HDAC9: variants seen among roughly 807,000 people sequenced by gnomAD.
HDAC9 encodes histone deacetylase 9.
HDAC9 carries 41 observed loss-of-function variants against 139.4 expected under a neutral mutation model. That is an observed-to-expected ratio of 0.29 (90% CI 0.23 to 0.38). The LOEUF is 0.38. Among genes scored for constraint, HDAC9 ranks in the 10% least tolerant of loss-of-function variants. The pLI is 1.00. For synonymous variants in HDAC9, 517 were observed against 476.2 expected, an observed-to-expected ratio of 1.09 and a Z score of -1.12; for missense variants, 1,147 against 1,297.0, an observed-to-expected ratio of 0.88 and a Z score of 1.78.
chr7:18,843,765 A>G (rs1416690127), intron 21 of HDAC9, among the ~76,000 whole-genome samples: 2 of 152,124 alleles, frequency 1.3e-5, no homozygotes, highest in Non-Finnish European at 2.9e-5. Context: ...TGGAAAAAAG[A>G]GATTGAATGT....
intron 12 of HDAC9, among the ~76,000 whole-genome samples, chr7:18,717,382 T>C (rs1784780388): frequency 6.6e-6 from 1 of 152,124 alleles, no homozygotes; most frequent in African/African-American, 2.4e-5. Flanking sequence ...TAACCAAATT[T>C]TTACTGAGCA....
At chr7:18,331,908 C>T (rs1164044095) in intron 1 of HDAC9, among the ~76,000 whole-genome samples, 3 of 151,404 alleles carry the variant, frequency 2.0e-5, no homozygotes, top group African/African-American at 7.3e-5. Flanking sequence ...AGTTCAGTGG[C>T]ACAGTGGTGA....
chr7:18,711,193 TAAG>T (rs1201737009), intron 12 of HDAC9, among the ~76,000 whole-genome samples: 10 of 152,226 alleles, frequency 6.6e-5, no homozygotes, highest in Non-Finnish European at 5.9e-5. Context: ...TTTAAGGAAT[TAAG>T]TAACTTATCT....
At chr7:18,489,641 G>A (rs573885185) in intron 1 of HDAC9, among the ~76,000 whole-genome samples, 1 of 152,030 alleles carries the variant, frequency 6.6e-6, no homozygotes, top group East Asian at 1.9e-4. Context: ...TCTCATTCTT[G>A]TATACATTTA....
At chr7:18,220,134 A>C (rs1201052433) in intron 2 of HDAC9, among the ~76,000 whole-genome samples, 2 of 152,194 alleles carry the variant, frequency 1.3e-5, no homozygotes, top group African/African-American at 4.8e-5. Flanking sequence ...GGAAGGGGAG[A>C]TCTTCACAAG....
intron 9 of HDAC9, 119 bp from the exon 10 acceptor site, chr7:18,647,666 G>A (rs2129029006): frequency 1.3e-6 from 1 of 773,354 alleles, no homozygotes; most frequent in East Asian, 2.7e-5. Context: ...TCAGCCATTG[G>A]GTAAGATGGG....
At chr7:18,570,420 A>G (rs953780522) in intron 2 of HDAC9, among the ~76,000 whole-genome samples, 3 of 152,240 alleles carry the variant, frequency 2.0e-5, no homozygotes, top group African/African-American at 4.8e-5. Flanking sequence ...ATTGACAATT[A>G]TGAACAAATG....
intron 25 of HDAC9, among the ~76,000 whole-genome samples, chr7:18,981,731 T>A (rs1005667665): frequency 2.0e-5 from 3 of 152,292 alleles, no homozygotes; most frequent in Non-Finnish European, 1.5e-5. Context: ...CTCACCAGGA[T>A]AATTTAGGAT....
intron 2 of HDAC9, among the ~76,000 whole-genome samples, chr7:18,564,714 T>A (rs17150238): frequency 6.6e-6 from 1 of 151,974 alleles, no homozygotes; most frequent in South Asian, 2.1e-4. Flanking sequence ...ACTACTTTTG[T>A]ATTAACATTT....
intron 22 of HDAC9, among the ~76,000 whole-genome samples, chr7:18,913,530 T>C (rs1802921187): frequency 6.6e-6 from 1 of 152,108 alleles, no homozygotes; most frequent in South Asian, 2.1e-4. Context: ...TGCGTAATTT[T>C]CTTTCTGTTT....
chr7:18,112,028 G>A (rs567427870), intron 1 of HDAC9, among the ~76,000 whole-genome samples: 1 of 152,252 alleles, frequency 6.6e-6, no homozygotes, highest in East Asian at 1.9e-4. Flanking sequence ...ATTAAAGTAT[G>A]TACACTTACA....
chr7:18,676,029 A>T (rs1387360058), intron 12 of HDAC9, among the ~76,000 whole-genome samples: 1 of 152,008 alleles, frequency 6.6e-6, no homozygotes, highest in Non-Finnish European at 1.5e-5. Flanking sequence ...ATATGTGTTG[A>T]TCACGGAGGA....
At chr7:18,804,316 A>G (rs1310773735) in intron 17 of HDAC9, among the ~76,000 whole-genome samples, 1 of 152,198 alleles carries the variant, frequency 6.6e-6, no homozygotes, top group Non-Finnish European at 1.5e-5. Context: ...TCTGAAAGTG[A>G]GATGAGGTTA....
At chr7:18,646,935 CTG>C (rs1787607563) in intron 9 of HDAC9, among the ~76,000 whole-genome samples, 1 of 152,014 alleles carries the variant, frequency 6.6e-6, no homozygotes, top group African/African-American at 2.4e-5. Flanking sequence ...ATTTGGGTAT[CTG>C]TTATGAATTA....
At position 18,732,662 on chromosome 7, in the gene HDAC9, C is replaced by CGTGTATATGTGTGCGT. The variant is rs1489148576; in HGVS notation, c.1909+4905_1909+4906insGTGTATATGTGTGCGT. On this transcript the variant is annotated intron_variant, in intron 13 of 25. Transcript: ENST00000686413. Reference sequence around the variant, plus strand: ...GTGCATATGTGTATATATACACACACACGTGTATATGTGTGCGTATGTGTA... The same window carrying CGTGTATATGTGTGCGT: ...GTGCATATGTGTATATATACACACACGTGTATATGTGTGCGTACGTGTATATGTGTGCGTATGTGTA... Among the ~76,000 whole-genome samples the CGTGTATATGTGTGCGT allele has an allele frequency of 3.6e-5, 5 of 140,156 alleles. 1 individual carries two copies. Among genetic ancestry groups the CGTGTATATGTGTGCGT allele is most frequent in the South Asian group, 2.2e-4 (1 of 4,490 alleles). The allele number at this position is 140,156 out of a possible 152,430, so 91.9% of individuals were successfully genotyped here. A position where few individuals can be genotyped will look rare whatever the true frequency, so the allele number is the denominator to read the frequency against.
At chr7:18,856,360 A>G (rs893119199) in intron 21 of HDAC9, among the ~76,000 whole-genome samples, 1 of 152,158 alleles carries the variant, frequency 6.6e-6, no homozygotes, top group African/African-American at 2.4e-5. Context: ...GTAAGAATCT[A>G]TCCCTAAAAA....
rs1456720810 is a variant in HDAC9, at chr7:18,715,177, T to A, written c.1732-12403T>A. On this transcript the variant is annotated intron_variant, in intron 12 of 25. Coordinates refer to ENST00000686413, the MANE Select transcript of HDAC9 (RefSeq NM_178425.4). ...CAAGTTTTCATTCTATTTAAGACAT[T>A]TTCTTACATGCTATGAGTTGAGCTG... Among the ~76,000 whole-genome samples the A allele has an allele frequency of 2.6e-5, 4 of 152,120 alleles. No homozygotes were observed. The East Asian group carries it at 7.7e-4, about 29-fold the overall frequency.
At chr7:18,758,155 G>C (rs1003262778) in intron 14 of HDAC9, among the ~76,000 whole-genome samples, 1 of 152,170 alleles carries the variant, frequency 6.6e-6, no homozygotes, top group Non-Finnish European at 1.5e-5. Context: ...TCCTAGGCCT[G>C]TGTTGGTAAG....
At chr7:18,092,915 A>G (rs970185683) in intron 1 of HDAC9, among the ~76,000 whole-genome samples, 1 of 152,220 alleles carries the variant, frequency 6.6e-6, no homozygotes, top group Non-Finnish European at 1.5e-5. Flanking sequence ...GTCCCTAAAT[A>G]TATTCCACGC....
Sources: gnomAD v4.1 joint callset for allele counts (sites outside exome capture counted in the v4.1 genomes callset) on GRCh38, gnomAD v4.1.1 for gene constraint, MANE v1.5 for transcripts, NCBI Gene and HGNC (gene_info 2026-07-23, HGNC 2026-07-21) for gene names.